The following EML4 variants were observed in gnomAD, a reference collection of about 807,000 sequenced individuals.
EML4 encodes EMAP like 4, also known as echinoderm microtubule-associated protein-like 4.
In EML4, 72 loss-of-function variants were observed where a neutral mutation model predicts 129.0. That is an observed-to-expected ratio of 0.56 (90% CI 0.46 to 0.68). The LOEUF (loss-of-function observed/expected upper bound fraction) is 0.68. EML4 is among the 30% of genes least tolerant of loss of function. The pLI is 0.00. For synonymous variants in EML4, 532 were observed against 405.0 expected, an observed-to-expected ratio of 1.31 and a Z score of -3.77; for missense variants, 1,363 against 1,190.6, an observed-to-expected ratio of 1.14 and a Z score of -2.13.
intron 1 of EML4, among the ~76,000 whole-genome samples, chr2:42,226,308 A>G (rs955548657): frequency 3.3e-5 from 5 of 152,110 alleles, no homozygotes; most frequent in African/African-American, 1.2e-4. Context: ...TTTCAGTTAG[A>G]TGGGAGGAAT....
chr2:42,290,598 G>T (rs1050325584), intron 11 of EML4, among the ~76,000 whole-genome samples: 1 of 151,716 alleles, frequency 6.6e-6, no homozygotes, highest in African/African-American at 2.4e-5. Flanking sequence ...AGGGTATGGT[G>T]GTGCACATTT....
rs1239270358 is a variant in EML4, at chr2:42,301,410, A to G, written c.1641+18A>G. The G allele has an allele frequency of 4.5e-5, 71 of 1,585,742 alleles. 2 individuals are homozygous for G. The Admixed American group carries it at 1.3e-3, about 29-fold the overall frequency. ...AAATAGAGGTAAGGATGGAAACGGA[A>G]TATAAAAATATTAAATACTCTAAAC... On this transcript the variant is annotated intron_variant, in intron 14 of 22. Transcript: ENST00000318522.
At chr2:42,244,340 G>A (rs1359730939) in intron 1 of EML4, among the ~76,000 whole-genome samples, 2 of 151,864 alleles carry the variant, frequency 1.3e-5, no homozygotes, top group African/African-American at 4.8e-5. Flanking sequence ...CTCATGATCT[G>A]CCCTCCTCAG....
intron 1 of EML4, among the ~76,000 whole-genome samples, chr2:42,214,637 C>T (rs1175698908): frequency 6.6e-6 from 1 of 152,104 alleles, no homozygotes; most frequent in East Asian, 1.9e-4. Context: ...TTGGGCAGGG[C>T]TTGGCTAGGC....
intron 1 of EML4, 110 bp from the exon 2 acceptor site, chr2:42,245,395 C>T: frequency 9.3e-7 from 1 of 1,078,264 alleles, no homozygotes; most frequent in Non-Finnish European, 1.3e-6. Flanking sequence ...TTCACCTAGC[C>T]AGAATTTTTC....
Position 42,256,622 on chromosome 2 carries a change from T to C in EML4, c.330T>C (p.Ala110=), listed in dbSNP as rs534733170. The C allele has an allele frequency of 1.2e-6, 2 of 1,613,526 alleles. No individual in the cohort carries two copies. The highest frequency in any genetic ancestry group is 1.3e-5 in the African/African-American group (1 of 75,028). ...SIAGKETLSS[A]AKSGTEKKKE... Reference sequence around the variant, plus strand: ...CAGGAAAAGAAACTCTTTCATCTGCTGCTAAAAGGTACCCATTTATGAAAG... The same window carrying C: ...CAGGAAAAGAAACTCTTTCATCTGCCGCTAAAAGGTACCCATTTATGAAAG... Residue 110 remains alanine, a synonymous_variant, in exon 3 of 23, where the codon GCT becomes GCC. Coordinates refer to ENST00000318522, the MANE Select transcript of EML4 (RefSeq NM_019063.5).
At chr2:42,256,196 A>G (rs1334476518) in intron 2 of EML4, among the ~76,000 whole-genome samples, 1 of 152,200 alleles carries the variant, frequency 6.6e-6, no homozygotes, top group Non-Finnish European at 1.5e-5. Flanking sequence ...TGAGGCACAC[A>G]TTTGAATCAT....
At chr2:42,234,430 G>T (rs778939080) in intron 1 of EML4, among the ~76,000 whole-genome samples, 10 of 152,134 alleles carry the variant, frequency 6.6e-5, no homozygotes, top group Non-Finnish European at 1.2e-4. Context: ...CTTCAGTGTG[G>T]GGTTCCTCTA....
At chr2:42,208,674 C>A (rs547203331) in intron 1 of EML4, among the ~76,000 whole-genome samples, 8 of 152,096 alleles carry the variant, frequency 5.3e-5, no homozygotes, top group Admixed American at 1.3e-4. Context: ...ACCTCATGAT[C>A]CACCCTCCTT....
intron 17 of EML4, among the ~76,000 whole-genome samples, chr2:42,315,188 C>T (rs989150239): frequency 6.6e-6 from 1 of 152,182 alleles, no homozygotes; most frequent in Non-Finnish European, 1.5e-5. Context: ...CCTCAGTGTT[C>T]AGCTCAGCCC....
chr2:42,280,221 T>C (rs1214733057), intron 6 of EML4, among the ~76,000 whole-genome samples: 5 of 152,236 alleles, frequency 3.3e-5, no homozygotes. Context: ...TTCTTTAGCA[T>C]TTTTCTACTC....
chr2:42,252,926 A>C (rs572755902), intron 2 of EML4, among the ~76,000 whole-genome samples: 1 of 152,118 alleles, frequency 6.6e-6, no homozygotes, highest in Non-Finnish European at 1.5e-5. Flanking sequence ...TTTCATTGCC[A>C]ATGTGATTCT....
chr2:42,221,717 C>T (rs897752159), intron 1 of EML4, among the ~76,000 whole-genome samples: 1 of 151,948 alleles, frequency 6.6e-6, no homozygotes, highest in African/African-American at 2.4e-5. Context: ...GATTCTCCTG[C>T]CTCAGCCTCC....
At chr2:42,185,016 T>A (rs1332997934) in intron 1 of EML4, among the ~76,000 whole-genome samples, 1 of 152,238 alleles carries the variant, frequency 6.6e-6, no homozygotes, top group African/African-American at 2.4e-5. Flanking sequence ...TTATGTAATC[T>A]AATTTTCTCT....
chr2:42,268,619 A>G (rs1231975652), intron 6 of EML4, among the ~76,000 whole-genome samples: 2 of 152,036 alleles, frequency 1.3e-5, no homozygotes, highest in African/African-American at 2.4e-5. Flanking sequence ...GTATTACTTT[A>G]TAGAGGCAGG....
Position 42,217,458 on chromosome 2 carries a change from C to T in EML4, c.26-28047C>T, listed in dbSNP as rs148016269. On this transcript the variant is annotated intron_variant, in intron 1 of 22. Transcript: ENST00000318522. ...AGATTCAGTACATTTCTTGTTTGGC[C>T]CTCTGTGGAAACAGATGGTTACTGT... Among the ~76,000 whole-genome samples the T allele has an allele frequency of 4.4e-3, 670 of 152,190 alleles. 19 individuals are homozygous for T. Among genetic ancestry groups the T allele is most frequent in the East Asian group, 4.2e-3 (22 of 5,182 alleles).
At chr2:42,205,874 T>C (rs568436107) in intron 1 of EML4, among the ~76,000 whole-genome samples, 39 of 152,314 alleles carry the variant, frequency 2.6e-4, no homozygotes, top group Admixed American at 7.2e-4. Flanking sequence ...ACTCAGTCAT[T>C]TATCCACAAA....
At chr2:42,230,138 A>C (rs1674239584) in intron 1 of EML4, among the ~76,000 whole-genome samples, 1 of 152,054 alleles carries the variant, frequency 6.6e-6, no homozygotes, top group African/African-American at 2.4e-5. Flanking sequence ...TCTTTTTTTC[A>C]TTCCCTGTTT....
chr2:42,306,484 C>CTTTTTTTGTTTTTTTTTTTTTTT (rs1668599805), intron 17 of EML4, among the ~76,000 whole-genome samples: 1 of 74,604 alleles, frequency 1.3e-5, no homozygotes, highest in African/African-American at 4.7e-5. Context: ...GTGCTAAATC[C>CTTTTTTTGTTTTTTTTTTTTTTT]TTTTTTTTTT....
Sources: gnomAD v4.1 joint callset for allele counts (sites outside exome capture counted in the v4.1 genomes callset) on GRCh38, gnomAD v4.1.1 for gene constraint, MANE v1.5 for transcripts, NCBI Gene and HGNC (gene_info 2026-07-23, HGNC 2026-07-21) for gene names.